Variants in SMAD6 observed in about 807,000 individuals in gnomAD.
The protein encoded by SMAD6 is SMAD family member 6.
In SMAD6, 103 loss-of-function variants were observed where a neutral mutation model predicts 39.4. The ratio of observed to expected loss-of-function variants is 2.62; its 90% CI spans 2.23 to 3.08. The LOEUF is 3.08. SMAD6 is among the 30% of genes most tolerant of loss of function. The pLI, the probability that SMAD6 is intolerant of heterozygous loss-of-function variation, is 0.00. For missense variants in SMAD6, 1,104 were observed against 742.9 expected (o/e 1.49, Z -5.65); for synonymous variants, 445 against 353.3 (o/e 1.26, Z -2.91).
intron 3 of SMAD6, among the ~76,000 whole-genome samples, chr15:66,744,538 C>T (rs767112648): frequency 2.0e-5 from 3 of 152,238 alleles, no homozygotes; most frequent in Non-Finnish European, 4.4e-5. Flanking sequence ...GTGGACTAGA[C>T]GTGCAGTGAA....
rs1203335291 is a variant in SMAD6 at position 66,781,239 on chromosome 15, G to C, written c.1195G>C (p.Gly399Arg). Residue 399 changes from glycine to arginine, a missense_variant, in exon 4 of 4, where the codon GGC (glycine) becomes CGC (arginine). Coordinates refer to ENST00000288840, the MANE Select transcript of SMAD6 (RefSeq NM_005585.5). The part of the protein sequence containing the change: ...FGILLSKEPD[G>R]VWAYNRGEHP... ...CATCCTGCTCAGCAAGGAGCCCGACGGCGTGTGGGCCTACAACCGCGGCGA... is the reference window on the plus strand; with the variant it reads ...CATCCTGCTCAGCAAGGAGCCCGACCGCGTGTGGGCCTACAACCGCGGCGA... 6.2e-7 allele frequency: 1 copy of C among 1,608,648 alleles called. No individual in the cohort carries two copies. Among genetic ancestry groups the C allele is most frequent in the Non-Finnish European group, 8.5e-7 (1 of 1,179,588 alleles).
chr15:66,731,145 G>T (rs1893619692), intron 3 of SMAD6, among the ~76,000 whole-genome samples: 1 of 152,172 alleles, frequency 6.6e-6, no homozygotes, highest in African/African-American at 2.4e-5. Context: ...ACCCTTAAAA[G>T]TTCCTTGGTG....
rs1212824205 is a variant in SMAD6 at position 66,703,489 on chromosome 15, C to T, written c.231C>T (p.Ala77=). Residue 77 remains alanine (A), a synonymous_variant, in exon 1 of 4, where the codon GCC becomes GCT. Coordinates refer to ENST00000288840, the MANE Select transcript of SMAD6 (RefSeq NM_005585.5). ...RPRDAVGQRG[A]QGAGRRRRAG... ...GGGACGCAGTGGGACAGCGAGGCGC[C>T]CAGGGCGCGGGGAGGCGCCGGCGCG... is the stretch of plus-strand genomic sequence containing the variant. 1.6e-6 allele frequency: 2 copies of T among 1,233,576 alleles called. No homozygotes were observed. The highest frequency in any genetic ancestry group is 2.0e-6 in the Non-Finnish European group (2 of 984,502). The allele number at this position is 1,233,576 out of a possible 1,614,324, so 76.4% of individuals were successfully genotyped here. A position where few individuals can be genotyped will look rare whatever the true frequency, so the allele number is the denominator to read the frequency against.
At chr15:66,763,463 C>T (rs4477641) in intron 3 of SMAD6, among the ~76,000 whole-genome samples, 13,346 of 152,282 alleles carry the variant, frequency 0.088, 822 homozygotes, top group Non-Finnish European at 0.13. Context: ...TTGGCAGGGC[C>T]GTCTCCTTGA....
intron 3 of SMAD6, among the ~76,000 whole-genome samples, chr15:66,720,440 G>T (rs775428692): frequency 3.2e-4 from 49 of 152,266 alleles, no homozygotes; most frequent in Middle Eastern, 6.8e-3. Flanking sequence ...GCCGGGCTGG[G>T]TGAGCTCTGA....
intron 3 of SMAD6, among the ~76,000 whole-genome samples, chr15:66,731,760 A>T (rs1567101303): frequency 6.6e-6 from 1 of 152,162 alleles, no homozygotes; most frequent in Non-Finnish European, 1.5e-5. Flanking sequence ...ATTGCTGGGT[A>T]TATGGTTGAA....
intron 3 of SMAD6, among the ~76,000 whole-genome samples, chr15:66,767,879 G>T (rs1163081525): frequency 6.6e-6 from 1 of 150,750 alleles, no homozygotes; most frequent in Non-Finnish European, 1.5e-5. Flanking sequence ...TATTTTAAAG[G>T]AAAGGATTTA....
At chr15:66,719,234 C>T (rs1312408470) in intron 3 of SMAD6, among the ~76,000 whole-genome samples, 2 of 152,212 alleles carry the variant, frequency 1.3e-5, no homozygotes, top group African/African-American at 4.8e-5. Context: ...GAGGGCCCTG[C>T]CCAGTGTTCT....
chr15:66,757,334 T>A (rs1253115672), intron 3 of SMAD6, among the ~76,000 whole-genome samples: 1 of 152,104 alleles, frequency 6.6e-6, no homozygotes, highest in Non-Finnish European at 1.5e-5. Flanking sequence ...TAGCAAGAAA[T>A]GCCGCTTTCC....
chr15:66,740,957 G>T (rs1253576625), intron 3 of SMAD6: 3 of 152,214 alleles, frequency 2.0e-5, no homozygotes, highest in Non-Finnish European at 4.4e-5. Context: ...ACATCAGTTG[G>T]TGAGCCAGGG....
chr15:66,769,923 G>C (rs1595798136), intron 3 of SMAD6, among the ~76,000 whole-genome samples: 1 of 152,110 alleles, frequency 6.6e-6, no homozygotes, highest in Non-Finnish European at 1.5e-5. Context: ...TACCTCCCGG[G>C]TTCAAGCGGT....
rs561075621 is a variant in SMAD6, at chr15:66,703,980, T to C, written c.722T>C (p.Leu241Pro). 1.4e-6 allele frequency: 2 copies of C among 1,470,954 alleles called. No homozygotes were observed. Among genetic ancestry groups the C allele is most frequent in the Non-Finnish European group, 1.8e-6 (2 of 1,116,684 alleles). The allele number at this position is 1,470,954 out of a possible 1,614,324, so 91.1% of individuals were successfully genotyped here. A position where few individuals can be genotyped will look rare whatever the true frequency, so the allele number is the denominator to read the frequency against. Reference protein sequence around the residue: ...RWPDLQHAVELKPLCGCHSFA... With the variant: ...RWPDLQHAVEPKPLCGCHSFA... ...CCCGACCTGCAGCACGCCGTGGAGC[T>C]GAAGCCCCTGTGCGGCTGCCACAGC... Residue 241 changes from leucine to proline, a missense_variant, in exon 1 of 4, where the codon CTG becomes CCG. Leu to Pro is a moderately conservative substitution (Grantham distance 98, BLOSUM62 -3). Transcript: ENST00000288840.
chr15:66,747,940 C>G lies in SMAD6; in HGVS notation c.952+31442C>G, dbSNP rs1156544882. Among the ~76,000 whole-genome samples the G allele has an allele frequency of 1.3e-5, 2 of 152,130 alleles. No homozygotes were observed. Among genetic ancestry groups the G allele is most frequent in the East Asian group, 1.9e-4 (1 of 5,188 alleles). The stretch of plus-strand genomic sequence containing the variant: ...CCCTTTGCACCCCACTTCTCTTTCT[C>G]CGGCATGAGGCAGTGGCTGGGGGCG... On this transcript the variant is annotated intron_variant, in intron 3 of 3. Coordinates refer to ENST00000288840, the MANE Select transcript of SMAD6 (RefSeq NM_005585.5). The surrounding 1 kb of genome is among the most constrained non-coding windows in gnomAD (Gnocchi z 4.5).
At chr15:66,709,269 C>T (rs1893181172) in intron 1 of SMAD6, among the ~76,000 whole-genome samples, 1 of 152,202 alleles carries the variant, frequency 6.6e-6, no homozygotes. Flanking sequence ...TGGTGAGGTC[C>T]CTCCTGAACG....
intron 3 of SMAD6, among the ~76,000 whole-genome samples, chr15:66,775,029 T>G (rs1894442981): frequency 6.6e-6 from 1 of 151,778 alleles, no homozygotes; most frequent in South Asian, 2.1e-4. Flanking sequence ...CCGGGTGATT[T>G]TTTTGTATTT....
intron 3 of SMAD6, among the ~76,000 whole-genome samples, chr15:66,756,984 G>A (rs972901520): frequency 3.3e-5 from 5 of 152,214 alleles, no homozygotes; most frequent in African/African-American, 9.7e-5. Context: ...CGGTTGTGGT[G>A]TAGTGGAAAA....
At position 66,781,278 on chromosome 15, in the gene SMAD6, G is replaced by C; in HGVS notation, c.1234G>C (p.Val412Leu). ...AYNRGEHPIF[V>L]NSPTLDAPGG... Reference sequence around the variant, plus strand: ...CAACCGCGGCGAGCACCCCATCTTCGTCAACTCCCCGACGCTGGACGCGCC... The same window carrying C: ...CAACCGCGGCGAGCACCCCATCTTCCTCAACTCCCCGACGCTGGACGCGCC... Residue 412 changes from valine to leucine, a missense_variant, in exon 4 of 4, where the codon GTC becomes CTC. Coordinates refer to ENST00000288840, the MANE Select transcript of SMAD6 (RefSeq NM_005585.5). The C allele has an allele frequency of 6.2e-7, 1 of 1,607,126 alleles. No homozygotes were observed. Among genetic ancestry groups the C allele is most frequent in the Non-Finnish European group, 8.5e-7 (1 of 1,178,702 alleles).
chr15:66,767,552 C>T (rs1445638391), intron 3 of SMAD6, among the ~76,000 whole-genome samples: 2 of 152,212 alleles, frequency 1.3e-5, no homozygotes, highest in East Asian at 3.9e-4. Context: ...TGCACAGTAG[C>T]ACAGTCACAG....
Position 66,718,111 on chromosome 15 carries a change from CGTGTGTGTGTGTGTGTGTGT to C in SMAD6, c.952+1634_952+1653del, listed in dbSNP as rs57053370. ...TCCCTATTGTTAATGATGGAAAGTC[CGTGTGTGTGTGTGTGTGTGT>C]GTGTGTGTGTGTGTGTGTGTCTGTG... is the stretch of plus-strand genomic sequence containing the variant. On this transcript the variant is annotated intron_variant, in intron 3 of 3. Transcript: ENST00000288840. Among the ~76,000 whole-genome samples, 192 of 137,260 alleles carry C rather than the reference CGTGTGTGTGTGTGTGTGTGT, an allele frequency of 1.4e-3. 1 individual carries two copies. The East Asian group carries it at 0.023, about 16-fold the overall frequency. 90.0% of individuals were successfully genotyped at this position (137,260 alleles called of 152,430 possible).
Sources: allele counts gnomAD v4.1 joint callset (sites outside exome capture counted in the v4.1 genomes callset), GRCh38; gene constraint gnomAD v4.1.1; non-coding constraint Gnocchi (gnomAD v3.1); transcripts MANE v1.5; gene names NCBI Gene and HGNC (gene_info 2026-07-23, HGNC 2026-07-21).